The following PLXND1 variants were observed in gnomAD, a reference collection of about 807,000 sequenced individuals.
The protein encoded by PLXND1 is plexin D1, also known as plexin-D1.
PLXND1 carries 54 observed loss-of-function variants against 197.7 expected under a neutral mutation model. The observed-to-expected ratio is 0.27, with a 90% CI of 0.22 to 0.34. The LOEUF is 0.34. Among genes scored for constraint, PLXND1 ranks in the 10% least tolerant of loss-of-function variants. PLXND1 has a pLI of 1.00. For synonymous variants in PLXND1, 1,180 were observed against 1,161.2 expected (o/e 1.02, Z -0.33); for missense variants, 2,127 against 2,699.2 (o/e 0.79, Z 4.70).
In PLXND1 at chr3:129,559,661, T is replaced by G. The variant is rs200136973; in HGVS notation, c.5256A>C (p.Gly1752=). 6.0e-5 allele frequency: 96 copies of G among 1,612,620 alleles called. No homozygotes were observed. The East Asian group carries it at 2.1e-3, about 36-fold the overall frequency. The part of the protein sequence containing the change: ...DFLEEQAEKR[G]ISDPDTLHIW... ...TGTGTAGGGTGTCGGGGTCGGAGATTCCCCTCTTCTCAGCCTGCTCCTCCA... is the reference window on the plus strand; with the variant it reads ...TGTGTAGGGTGTCGGGGTCGGAGATGCCCCTCTTCTCAGCCTGCTCCTCCA... The change falls in exon 32 of 36, where the codon GGA becomes GGC. Residue 1752 remains glycine, a synonymous_variant. Coordinates refer to ENST00000324093, the MANE Select transcript of PLXND1 (RefSeq NM_015103.3).
At chr3:129,575,630 C>T (rs1352999889) in intron 10 of PLXND1, 68 bp from the exon 11 acceptor site, 2 of 1,315,630 alleles carry the variant, frequency 1.5e-6, no homozygotes, top group African/African-American at 1.5e-5. Context: ...GGATGGGTGT[C>T]ATGGAGGCAG....
chr3:129,584,301 G>A, intron 6 of PLXND1, 68 bp from the exon 7 acceptor site: 1 of 1,594,938 alleles, frequency 6.3e-7, no homozygotes, highest in Non-Finnish European at 8.6e-7. Context: ...CAGAAGCTGT[G>A]ACCTCTGGCC....
In PLXND1 at chr3:129,606,349, C is replaced by T. The variant is rs779669993; in HGVS notation, c.291G>A (p.Pro97=). The T allele has an allele frequency of 2.7e-6, 4 of 1,471,918 alleles. No individual in the cohort carries two copies. Among genetic ancestry groups the T allele is most frequent in the Non-Finnish European group, 3.6e-6 (4 of 1,119,976 alleles). The allele number at this position is 1,471,918 out of a possible 1,614,324, so 91.2% of individuals were successfully genotyped here. A position where few individuals can be genotyped will look rare whatever the true frequency, so the allele number is the denominator to read the frequency against. Residue 97 remains proline (P), a synonymous_variant, in exon 1 of 36, where the codon CCG becomes CCA. Transcript: ENST00000324093. ...LSLEAEAAVG[P]VPDSPLCHAP... is the part of the protein sequence containing the mutation. ...CGTGACACAGCGGGCTGTCGGGCAC[C>T]GGGCCCACGGCCGCCTCGGCCTCCA...
At chr3:129,583,741 C>T (rs1476857503) in intron 7 of PLXND1, 72 bp from the exon 8 acceptor site, 2 of 993,876 alleles carry the variant, frequency 2.0e-6, no homozygotes, top group Non-Finnish European at 3.1e-6. Flanking sequence ...GGAACTAGAA[C>T]CCAAAAGGCA....
In PLXND1 at chr3:129,565,310, TGGGCTCTGTCTGTCCCCAG is replaced by T. The variant is rs751330402; in HGVS notation, c.4521+11_4521+29del. The T allele has an allele frequency of 1.1e-4, 169 of 1,599,822 alleles. 1 individual carries two copies. The Middle Eastern group carries it at 2.0e-3, about 19-fold the overall frequency. On this transcript the variant is annotated intron_variant, in intron 25 of 35. Transcript: ENST00000324093. ...CTGAGTCCCTGCCACGTCCCCCGCC[TGGGCTCTGTCTGTCCCCAG>T]GCAGCCTCACCCGCAGACAGCTGTA...
Position 129,605,497 on chromosome 3 carries a change from G to C in PLXND1, c.1143C>G (p.Ala381=). 1.3e-6 allele frequency: 2 copies of C among 1,493,868 alleles called. No homozygotes were observed. Among genetic ancestry groups the C allele is most frequent in the Non-Finnish European group, 1.8e-6 (2 of 1,130,796 alleles). 92.5% of individuals were successfully genotyped at this position (1,493,868 alleles called of 1,614,324 possible). The change falls in exon 1 of 36, where the codon GCC becomes GCG. Residue 381 remains alanine (A), a synonymous_variant. Coordinates refer to ENST00000324093, the MANE Select transcript of PLXND1 (RefSeq NM_015103.3). ...CGCAGAGTGCGGCCGGAGCAGCGCG[G>C]GCCGCGGGGGACCCCTGGGGCCGCT... ...VFERPQGSPA[A]RAAPAALCAF... is the part of the protein sequence containing the mutation.
In PLXND1 at chr3:129,605,976, GGAA is replaced by G. The variant is rs780710512; in HGVS notation, c.661_663del (p.Phe221del). 2.5e-6 allele frequency: 4 copies of G among 1,611,008 alleles called. No individual in the cohort carries two copies. In the African/African-American group the frequency reaches 4.0e-5, roughly 16 times the overall value. On this transcript the variant is annotated inframe_deletion, in exon 1 of 36. Transcript: ENST00000324093. ...TGGTCCTCCAGGCTGCGGTTGCGCG[GGAA>G]GAAGGAGCTGCCGTAACCGGTGTAC...
Position 129,573,664 on chromosome 3 carries a change from CGT to C in PLXND1, c.2765_2766del (p.Asp922GlyfsTer13). ...RGRNLGRRLS[D>X]VAHGVWIGGV... ...CCACCAATCCACACGCCGTGGGCCA[CGT>C]CACTGAGCCGCCGGCCCAGGTTCCT... On this transcript the variant is annotated frameshift_variant, in exon 13 of 36. Transcript: ENST00000324093. LOFTEE classifies it high-confidence loss of function. 6.2e-7 allele frequency: 1 copy of C among 1,613,634 alleles called. No homozygotes were observed. The highest frequency in any genetic ancestry group is 8.5e-7 in the Non-Finnish European group (1 of 1,180,010).
chr3:129,571,494 C>T lies in PLXND1; in HGVS notation c.3336+15G>A, dbSNP rs780277173. On this transcript the variant is annotated intron_variant, in intron 17 of 35. Coordinates refer to ENST00000324093, the MANE Select transcript of PLXND1 (RefSeq NM_015103.3). ...GGCCACCCCCTCCCACCCATCAGGC[C>T]CCCGAATGCCTCACCGTGGGCTCCC... 14 of 1,610,476 alleles carry T rather than the reference C, an allele frequency of 8.7e-6. No homozygotes were observed. The Admixed American group carries it at 2.3e-4, about 27-fold the overall frequency.
chr3:129,565,589 G>T, intron 24 of PLXND1, 51 bp from the exon 25 acceptor site: 1 of 1,471,004 alleles, frequency 6.8e-7, no homozygotes, highest in Non-Finnish European at 9.4e-7. Flanking sequence ...TAGGAGCTGT[G>T]GGTCCCAGGG....
At chr3:129,580,324 C>T (rs1484846102) in intron 8 of PLXND1, among the ~76,000 whole-genome samples, 1 of 152,166 alleles carries the variant, frequency 6.6e-6, no homozygotes, top group Non-Finnish European at 1.5e-5. Context: ...TCCGGGCCTC[C>T]GTGTTCCTAC....
rs1370272983 is a variant in PLXND1, at chr3:129,563,043, C to G, written c.4668+51G>C. ...CTGCAGAGGAAGGCTGGGTCAATGC[C>G]GTTGGCGGCGACACAGCAGCCCTGG... On this transcript the variant is annotated intron_variant, in intron 26 of 35. Transcript: ENST00000324093. The G allele has an allele frequency of 1.9e-6, 3 of 1,611,592 alleles. No individual in the cohort carries two copies. In the African/African-American group the frequency reaches 4.0e-5, roughly 22 times the overall value.
At position 129,555,297 on chromosome 3, in the gene PLXND1, G is replaced by C. The variant is rs545444461; in HGVS notation, c.*1015C>G. Reference sequence around the variant, plus strand: ...TCCAGCCCCCATGGGCTCTGAGCCAGTCCCAACACTGGCTGAGTTGGCTGC... The same window carrying C: ...TCCAGCCCCCATGGGCTCTGAGCCACTCCCAACACTGGCTGAGTTGGCTGC... On this transcript the variant is annotated 3_prime_UTR_variant, in exon 36 of 36. Transcript: ENST00000324093. 12 of 544,700 alleles carry C rather than the reference G, an allele frequency of 2.2e-5. No homozygotes were observed. Among genetic ancestry groups the C allele is most frequent in the African/African-American group, 2.0e-4 (10 of 50,154 alleles). The allele number at this position is 544,700 out of a possible 1,614,324, so 33.7% of individuals were successfully genotyped here.
Position 129,563,224 on chromosome 3 carries a change from G to C in PLXND1, c.4538C>G (p.Pro1513Arg). 6 of 1,611,634 alleles carry C rather than the reference G, an allele frequency of 3.7e-6. No individual in the cohort carries two copies. Among genetic ancestry groups the C allele is most frequent in the Non-Finnish European group, 5.1e-6 (6 of 1,178,866 alleles). ...YSCLRETVGE[P>R]FFLLLCAIKQ... ...GATGGCACACAGCAGCAGGAAGAATGGCTCCCCCACCGTCTCCTGAGGGGC... is the reference window on the plus strand; with the variant it reads ...GATGGCACACAGCAGCAGGAAGAATCGCTCCCCCACCGTCTCCTGAGGGGC... Residue 1513 changes from proline (P) to arginine (R), a missense_variant, in exon 26 of 36, where the codon CCA becomes CGA. Coordinates refer to ENST00000324093, the MANE Select transcript of PLXND1 (RefSeq NM_015103.3).
At chr3:129,589,310 T>TGGCCCCCCCCCCCCCCCCCCCCCCCC in intron 2 of PLXND1, 41 bp downstream of exon 2, 26 of 501,276 alleles carry the variant, frequency 5.2e-5, no homozygotes, top group East Asian at 2.6e-4. Context: ...CAGGGGAGCC[T>TGGCCCCCCCCCCCCCCCCCCCCCCCC]CCCACCCCCA....
chr3:129,596,449 CTG>C (rs2085624815), intron 1 of PLXND1, among the ~76,000 whole-genome samples: 1 of 152,210 alleles, frequency 6.6e-6, no homozygotes, highest in African/African-American at 2.4e-5. Flanking sequence ...CCGGCCCGGC[CTG>C]GCCCCATTTC....
In PLXND1 at chr3:129,589,420, G is replaced by T. The variant is rs575446056; in HGVS notation, c.1419C>A (p.Ser473=). ...AGTTGTTGACGCTGGCCACGGCCACGGAGGTGAGGCCCGGGGCGCGGAACA... is the reference window on the plus strand; with the variant it reads ...AGTTGTTGACGCTGGCCACGGCCACTGAGGTGAGGCCCGGGGCGCGGAACA... ...TPVFRAPGLT[S]VAVASVNNYT... is the part of the protein sequence containing the mutation. The change falls in exon 2 of 36, where the codon TCC becomes TCA. Residue 473 remains serine, a synonymous_variant. Transcript: ENST00000324093. 2 of 1,601,200 alleles carry T rather than the reference G, an allele frequency of 1.2e-6. No homozygotes were observed. Among genetic ancestry groups the T allele is most frequent in the South Asian group, 1.1e-5 (1 of 90,684 alleles).
rs371981803 is a variant in PLXND1 at position 129,562,800 on chromosome 3, C to T, written c.4812G>A (p.Glu1604=). Residue 1604 remains glutamate (E), a synonymous_variant, in exon 27 of 36, where the codon GAG becomes GAA. Coordinates refer to ENST00000324093, the MANE Select transcript of PLXND1 (RefSeq NM_015103.3). ...NVPYSQWPRA[E]DVDLEWFASS... ...ATTCCCACCCACCAAGGTCGACGTC[C>T]TCTGCACGCGGCCACTGGGAGTAGG... 29 of 1,600,946 alleles carry T rather than the reference C, an allele frequency of 1.8e-5. No homozygotes were observed. The African/African-American group carries it at 3.2e-4, about 18-fold the overall frequency.
chr3:129,560,392 G>T lies in PLXND1; in HGVS notation c.5071C>A (p.Arg1691=), dbSNP rs139940603. 1.2e-6 allele frequency: 2 copies of T among 1,613,858 alleles called. No individual in the cohort carries two copies. Among genetic ancestry groups the T allele is most frequent in the East Asian group, 2.2e-5 (1 of 44,898 alleles). The change falls in exon 31 of 36, where the codon CGG becomes AGG. Residue 1691 remains arginine (R), a synonymous_variant. Transcript: ENST00000324093. ...AGCACCTTCTTGCGATGGCTCTGCC[G>T]GTGAGACTTCTTGGGCTCCGCCAGC... The part of the protein sequence containing the change: ...DELAEPKKSH[R]QSHRKKVLPE...
Sources: allele counts gnomAD v4.1 joint callset (sites outside exome capture counted in the v4.1 genomes callset), GRCh38; gene constraint gnomAD v4.1.1; transcripts MANE v1.5; gene names NCBI Gene and HGNC (gene_info 2026-07-23, HGNC 2026-07-21).